The following OPCML variants were observed in gnomAD, a reference collection of about 807,000 sequenced individuals.
The protein encoded by OPCML is opioid binding protein/cell adhesion molecule like.
In OPCML, 13 loss-of-function variants were observed where a neutral mutation model predicts 37.8. That is an observed-to-expected ratio of 0.34 (90% CI 0.22 to 0.55). The LOEUF (loss-of-function observed/expected upper bound fraction) is 0.55. Among genes scored for constraint, OPCML ranks in the 20% least tolerant of loss-of-function variants. OPCML has a pLI of 0.91. For synonymous variants in OPCML, 176 were observed against 168.8 expected, an observed-to-expected ratio of 1.04 and a Z score of -0.33; for missense variants, 341 against 435.6, an observed-to-expected ratio of 0.78 and a Z score of 1.93.
At chr11:133,106,248 G>A (rs1949155481) in intron 1 of OPCML, among the ~76,000 whole-genome samples, 1 of 152,216 alleles carries the variant, frequency 6.6e-6, no homozygotes, top group Non-Finnish European at 1.5e-5. Flanking sequence ...GAAGTTTTAT[G>A]GACTGTGCAG....
At chr11:133,284,811 T>C (rs1390105523) in intron 1 of OPCML, among the ~76,000 whole-genome samples, 1 of 151,964 alleles carries the variant, frequency 6.6e-6, no homozygotes, top group African/African-American at 2.4e-5. Context: ...ATATGCAAAA[T>C]AGGGATAATA....
intron 1 of OPCML, among the ~76,000 whole-genome samples, chr11:133,202,439 T>C (rs1204743912): frequency 2.0e-5 from 3 of 152,208 alleles, no homozygotes; most frequent in Admixed American, 2.0e-4. Context: ...TCATTGATGG[T>C]GTGCTGTTAC....
intron 1 of OPCML, among the ~76,000 whole-genome samples, chr11:133,164,703 A>G (rs1342226615): frequency 2.0e-5 from 3 of 152,182 alleles, no homozygotes; most frequent in Non-Finnish European, 4.4e-5. Context: ...ATTCCTCAAT[A>G]ATTCCAGGTG....
chr11:133,361,306 C>G (rs1944409919), intron 1 of OPCML: 2 of 152,342 alleles, frequency 1.3e-5, no homozygotes, highest in Admixed American at 6.5e-5. Flanking sequence ...GCGCAATGCT[C>G]GCTGGCTGCC....
chr11:132,821,896 T>C (rs1310898314), intron 2 of OPCML, among the ~76,000 whole-genome samples: 1 of 152,180 alleles, frequency 6.6e-6, no homozygotes, highest in African/African-American at 2.4e-5. Context: ...CTGCCAACCT[T>C]GTCTTGACTC....
At chr11:132,749,948 T>C (rs879282336) in intron 2 of OPCML, among the ~76,000 whole-genome samples, 45 of 152,198 alleles carry the variant, frequency 3.0e-4, no homozygotes, top group South Asian at 8.3e-4. Flanking sequence ...CATGGTGCGA[T>C]CTCAGCTCAC....
chr11:132,865,149 G>A (rs1206851870), intron 2 of OPCML, among the ~76,000 whole-genome samples: 1 of 152,144 alleles, frequency 6.6e-6, no homozygotes, highest in African/African-American at 2.4e-5. Flanking sequence ...TTTTCGAGGG[G>A]ATAAGTAGAG....
At chr11:132,882,040 CCTT>C (rs1210946219) in intron 2 of OPCML, among the ~76,000 whole-genome samples, 4 of 152,144 alleles carry the variant, frequency 2.6e-5, no homozygotes, top group Non-Finnish European at 5.9e-5. Context: ...TTTTCCTTCT[CCTT>C]CTGGCTTATT....
chr11:133,327,036 G>T (rs1943487437), intron 1 of OPCML, among the ~76,000 whole-genome samples: 1 of 145,474 alleles, frequency 6.9e-6, no homozygotes, highest in South Asian at 2.3e-4. Flanking sequence ...GTGGGTGTGG[G>T]TGCGTGTATG....
intron 2 of OPCML, among the ~76,000 whole-genome samples, chr11:132,876,010 T>A (rs945763125): frequency 6.6e-6 from 1 of 152,196 alleles, no homozygotes; most frequent in Admixed American, 6.5e-5. Flanking sequence ...ACTTGGAGAA[T>A]GATGGACAAT....
At chr11:132,555,059 G>C (rs776554725) in intron 3 of OPCML, among the ~76,000 whole-genome samples, 1 of 151,916 alleles carries the variant, frequency 6.6e-6, no homozygotes, top group Non-Finnish European at 1.5e-5. Flanking sequence ...GGAGCACTGC[G>C]TGATGAAGAC....
intron 1 of OPCML, among the ~76,000 whole-genome samples, chr11:133,386,734 C>T (rs952535136): frequency 2.0e-5 from 3 of 152,200 alleles, no homozygotes; most frequent in Admixed American, 6.5e-5. Context: ...CCTGTTAGTA[C>T]GCACCCCACC....
At chr11:133,042,248 C>G (rs1947916770) in intron 1 of OPCML, among the ~76,000 whole-genome samples, 1 of 152,210 alleles carries the variant, frequency 6.6e-6, no homozygotes, top group Admixed American at 6.5e-5. Context: ...ACTCAGTAAC[C>G]CTTCCCAGAA....
chr11:133,180,319 G>A (rs1350670420), intron 1 of OPCML, among the ~76,000 whole-genome samples: 7 of 152,142 alleles, frequency 4.6e-5, no homozygotes, highest in Non-Finnish European at 8.8e-5. Flanking sequence ...AGTCTCTGGT[G>A]GGACAAACAC....
intron 1 of OPCML, among the ~76,000 whole-genome samples, chr11:133,226,979 T>A (rs1023509701): frequency 6.6e-6 from 1 of 152,232 alleles, no homozygotes. Flanking sequence ...ATATATTTCA[T>A]TTCATCAATT....
At chr11:132,437,150 C>T in intron 5 of OPCML, 72 bp downstream of exon 5, 1 of 1,575,776 alleles carries the variant, frequency 6.3e-7, no homozygotes, top group Non-Finnish European at 8.6e-7. Context: ...AATGGCACTG[C>T]CATTACCAGA....
At chr11:133,238,958 T>C (rs1940625723) in intron 1 of OPCML, among the ~76,000 whole-genome samples, 1 of 152,118 alleles carries the variant, frequency 6.6e-6, no homozygotes, top group Admixed American at 6.5e-5. Context: ...ATCATTGGAG[T>C]GCTGGATCAT....
At chr11:132,869,072 T>C (rs1186196437) in intron 2 of OPCML, among the ~76,000 whole-genome samples, 4 of 152,054 alleles carry the variant, frequency 2.6e-5, no homozygotes, top group African/African-American at 9.7e-5. Context: ...CCATGAGCAG[T>C]TGGAGCAAAA....
At chr11:133,506,683 T>C (rs976450045) in intron 1 of OPCML, among the ~76,000 whole-genome samples, 15 of 152,160 alleles carry the variant, frequency 9.9e-5, no homozygotes, top group African/African-American at 3.1e-4. Context: ...ATAAAATCAG[T>C]GGAAGCAGTG....
Sources: gnomAD v4.1 joint callset for allele counts (sites outside exome capture counted in the v4.1 genomes callset) on GRCh38, gnomAD v4.1.1 for gene constraint, MANE v1.5 for transcripts, NCBI Gene and HGNC (gene_info 2026-07-23, HGNC 2026-07-21) for gene names.